GALNT13: variants seen among roughly 807,000 people sequenced by gnomAD.
The protein encoded by GALNT13 is polypeptide N-acetylgalactosaminyltransferase 13, also known as UDP-GalNAc:polypeptide N-acetylgalactosaminyltransferase 13.
A neutral mutation model predicts 64.2 loss-of-function variants in GALNT13; 28 were observed. The observed-to-expected ratio is 0.44, with a 90% CI of 0.32 to 0.60. GALNT13 has a LOEUF of 0.60. Among genes scored for constraint, GALNT13 ranks in the 20% least tolerant of loss-of-function variants. The pLI is 0.05. For synonymous variants in GALNT13, 214 were observed against 224.6 expected (o/e 0.95, Z 0.42); for missense variants, 577 against 669.8 (o/e 0.86, Z 1.53).
At chr2:153,639,036 ATTGTTTTGTTTTGTT>A in the GALNT13 span, among the ~76,000 whole-genome samples, 498 of 148,824 alleles carry the variant, frequency 3.3e-3, 1 homozygote, top group African/African-American at 1.0e-2. Flanking sequence ...TAGTTGGAGA[ATTGTTTTGTTTTGTT>A]TTGTTTTGTT....
chr2:153,169,606 C>T, the GALNT13 span, among the ~76,000 whole-genome samples: 4 of 152,080 alleles, frequency 2.6e-5, no homozygotes, highest in Non-Finnish European at 4.4e-5. Flanking sequence ...CACTGAAAAC[C>T]ACAAACACTG....
chr2:154,448,599 A>C (rs1247430641), intron 12 of GALNT13, among the ~76,000 whole-genome samples: 1 of 152,044 alleles, frequency 6.6e-6, no homozygotes, highest in Non-Finnish European at 1.5e-5. Context: ...ACTATTAGTG[A>C]ATTCCTTCAA....
chr2:153,122,792 A>G, the GALNT13 span, among the ~76,000 whole-genome samples: 1 of 152,044 alleles, frequency 6.6e-6, no homozygotes, highest in Non-Finnish European at 1.5e-5. Flanking sequence ...TTTACCAAGC[A>G]CCCTGTTGTG....
intron 3 of GALNT13, among the ~76,000 whole-genome samples, 158 bp downstream of exon 3, chr2:153,944,797 T>A (rs1214558395): frequency 6.6e-6 from 1 of 152,136 alleles, no homozygotes; most frequent in Non-Finnish European, 1.5e-5. Context: ...GGAAGTTACT[T>A]TACCTTTCTT....
the GALNT13 span, among the ~76,000 whole-genome samples, chr2:153,733,361 A>C: frequency 2.0e-5 from 3 of 152,154 alleles, no homozygotes; most frequent in Non-Finnish European, 4.4e-5. Context: ...TGAAAACTTC[A>C]AGATGGCAGG....
the GALNT13 span, among the ~76,000 whole-genome samples, chr2:153,353,378 C>T: frequency 6.6e-6 from 1 of 152,096 alleles, no homozygotes; most frequent in Non-Finnish European, 1.5e-5. Flanking sequence ...CCTACATAGA[C>T]AGTCATGTCA....
At chr2:153,902,831 A>C (rs1822770) in intron 2 of GALNT13, among the ~76,000 whole-genome samples, 64,686 of 151,844 alleles carry the variant, frequency 0.43, 14,856 homozygotes, top group East Asian at 0.77. Context: ...TCATTTAAGC[A>C]AATTGTCCCA....
the GALNT13 span, among the ~76,000 whole-genome samples, chr2:153,386,648 G>C: frequency 1.3e-5 from 2 of 151,978 alleles, no homozygotes; most frequent in African/African-American, 2.4e-5. Context: ...TTTACTCTCC[G>C]CTTGGAAACT....
At chr2:153,965,405 T>C (rs1197890349) in intron 3 of GALNT13, among the ~76,000 whole-genome samples, 2 of 152,178 alleles carry the variant, frequency 1.3e-5, no homozygotes, top group African/African-American at 4.8e-5. Flanking sequence ...CTTCATGGGA[T>C]CAATTTTTTT....
chr2:153,223,100 C>T, the GALNT13 span, among the ~76,000 whole-genome samples: 1 of 152,254 alleles, frequency 6.6e-6, no homozygotes, highest in Non-Finnish European at 1.5e-5. Flanking sequence ...ATGATGATAA[C>T]GAGAAAAATT....
the GALNT13 span, among the ~76,000 whole-genome samples, chr2:153,390,236 T>C: frequency 6.6e-6 from 1 of 152,044 alleles, no homozygotes; most frequent in Non-Finnish European, 1.5e-5. Context: ...CCACATGTTC[T>C]CACTCATAAG....
At chr2:153,697,235 T>C in the GALNT13 span, among the ~76,000 whole-genome samples, 2 of 152,244 alleles carry the variant, frequency 1.3e-5, no homozygotes, top group Non-Finnish European at 2.9e-5. Context: ...TAATTCCTGA[T>C]GCTGAATTCT....
At chr2:154,234,005 A>G (rs1383032756) in intron 4 of GALNT13, among the ~76,000 whole-genome samples, 1 of 152,124 alleles carries the variant, frequency 6.6e-6, no homozygotes, top group Non-Finnish European at 1.5e-5. Flanking sequence ...GGAGCTACAC[A>G]TGATTTAAAA....
intron 9 of GALNT13, among the ~76,000 whole-genome samples, chr2:154,318,724 CAAA>C (rs5835510): frequency 3.1e-5 from 3 of 96,660 alleles, no homozygotes; most frequent in African/African-American, 4.0e-5. Context: ...AACTCCATTT[CAAA>C]AAAAAAAAAA....
chr2:153,234,744 A>G, the GALNT13 span, among the ~76,000 whole-genome samples: 1 of 152,090 alleles, frequency 6.6e-6, no homozygotes, highest in East Asian at 1.9e-4. Context: ...GAGCTTTATG[A>G]TTAGAATGCA....
intron 9 of GALNT13, among the ~76,000 whole-genome samples, chr2:154,354,783 G>A (rs1342571509): frequency 6.6e-6 from 1 of 151,918 alleles, no homozygotes; most frequent in Non-Finnish European, 1.5e-5. Flanking sequence ...CGATGTTTCT[G>A]TTTATCTGCC....
At chr2:153,080,320 T>TA in the GALNT13 span, among the ~76,000 whole-genome samples, 1 of 152,298 alleles carries the variant, frequency 6.6e-6, no homozygotes, top group South Asian at 2.1e-4. Context: ...ATTTATGCTA[T>TA]AAATGGTCCT....
chr2:154,078,152 G>C (rs998482695), intron 3 of GALNT13, among the ~76,000 whole-genome samples: 1 of 151,312 alleles, frequency 6.6e-6, no homozygotes, highest in African/African-American at 2.4e-5. Context: ...AGTATAAGTT[G>C]CTTCTTTGGA....
chr2:153,877,079 T>C (rs1308183091), intron 1 of GALNT13, among the ~76,000 whole-genome samples: 2 of 152,092 alleles, frequency 1.3e-5, no homozygotes, highest in Non-Finnish European at 2.9e-5. Context: ...TTGAGAGGGA[T>C]GTAGGGAGAA....
Sources: gnomAD v4.1 joint callset for allele counts (sites outside exome capture counted in the v4.1 genomes callset) on GRCh38, gnomAD v4.1.1 for gene constraint, MANE v1.5 for transcripts, NCBI Gene and HGNC (gene_info 2026-07-23, HGNC 2026-07-21) for gene names.